Variants in OTUD7B observed in about 807,000 individuals in gnomAD.
OTUD7B encodes OTU domain-containing protein 7B.
OTUD7B carries 34 observed loss-of-function variants against 82.2 expected under a neutral mutation model. That is an observed-to-expected ratio of 0.41 (90% CI 0.31 to 0.55). The LOEUF is 0.55. Ranked by LOEUF, OTUD7B falls within the 20% of genes least tolerant of loss-of-function variation. OTUD7B has a pLI of 0.20. For synonymous variants in OTUD7B, 398 were observed against 402.7 expected (o/e 0.99, Z 0.14); for missense variants, 944 against 1,062.1 (o/e 0.89, Z 1.55).
intron 11 of OTUD7B, among the ~76,000 whole-genome samples, chr1:149,946,886 C>G (rs1647799840): frequency 6.6e-6 from 1 of 151,822 alleles, no homozygotes. Context: ...AACCTGTCCT[C>G]TACTAAAAAT....
chr1:149,969,467 T>A (rs1490884037), intron 3 of OTUD7B, among the ~76,000 whole-genome samples: 1 of 152,196 alleles, frequency 6.6e-6, no homozygotes, highest in Admixed American at 6.5e-5. Context: ...GAAATTTTTA[T>A]GCATACAGAA....
chr1:149,949,767 T>C lies in OTUD7B; in HGVS notation c.985A>G (p.Ile329Val), dbSNP rs1206127128. ...GGCAGATAGATTCCTCCAAAGGGAA[T>C]AGGGGCAAATGCTGCAGGAAGCCAT... ...RDSGGEAFAP[I>V]PFGGIYLPLE... Residue 329 changes from isoleucine to valine, a missense_variant, in exon 9 of 12, where the codon ATT (isoleucine) becomes GTT (valine). Ile to Val is a conservative substitution (Grantham distance 29, BLOSUM62 3). Transcript: ENST00000581312. 1 of 1,613,928 alleles carries C rather than the reference T, an allele frequency of 6.2e-7. No individual in the cohort carries two copies. The highest frequency in any genetic ancestry group is 8.5e-7 in the Non-Finnish European group (1 of 1,180,002).
At chr1:149,986,249 A>ACAC (rs1553780781) in intron 1 of OTUD7B, among the ~76,000 whole-genome samples, 1 of 151,218 alleles carries the variant, frequency 6.6e-6, no homozygotes, top group African/African-American at 2.5e-5. Context: ...ACACACACAC[A>ACAC]CACACACACA....
chr1:149,948,898 C>T, intron 10 of OTUD7B, 71 bp downstream of exon 10: 2 of 1,026,714 alleles, frequency 1.9e-6, no homozygotes. Flanking sequence ...AGGAAAAATC[C>T]CTGGGAGATG....
intron 1 of OTUD7B, among the ~76,000 whole-genome samples, chr1:149,993,015 G>C (rs1651697790): frequency 6.6e-6 from 1 of 152,068 alleles, no homozygotes; most frequent in Non-Finnish European, 1.5e-5. Flanking sequence ...GCCAGGCATG[G>C]TGGCACGTGC....
chr1:150,059,307 C>CG, the OTUD7B span, among the ~76,000 whole-genome samples: 12 of 54,198 alleles, frequency 2.2e-4, 2 homozygotes, highest in South Asian at 2.6e-3. Context: ...CCCCCCCCCC[C>CG]CCCGCCTCCC....
chr1:150,033,672 C>T, the OTUD7B span, among the ~76,000 whole-genome samples: 4 of 152,086 alleles, frequency 2.6e-5, no homozygotes, highest in African/African-American at 2.4e-5. Context: ...TTCATCCTCA[C>T]AACAATACAT....
intron 1 of OTUD7B, among the ~76,000 whole-genome samples, chr1:150,000,568 ACTAGAT>A (rs1553784499): frequency 6.6e-6 from 1 of 152,154 alleles, no homozygotes; most frequent in Non-Finnish European, 1.5e-5. Flanking sequence ...GACTGAATGA[ACTAGAT>A]CTACCTGTAG....
At chr1:149,976,095 C>T (rs1353365985) in intron 2 of OTUD7B, among the ~76,000 whole-genome samples, 1 of 152,072 alleles carries the variant, frequency 6.6e-6, no homozygotes, top group Non-Finnish European at 1.5e-5. Context: ...AAACCCTGAT[C>T]TTCTGTTTCC....
intron 1 of OTUD7B, among the ~76,000 whole-genome samples, chr1:149,995,978 T>C (rs895037941): frequency 6.6e-6 from 1 of 152,236 alleles, no homozygotes; most frequent in Non-Finnish European, 1.5e-5. Context: ...CTTTTTCTAT[T>C]TGAATGAATT....
chr1:150,042,007 T>A, the OTUD7B span, among the ~76,000 whole-genome samples: 1 of 152,252 alleles, frequency 6.6e-6, no homozygotes, highest in African/African-American at 2.4e-5. Flanking sequence ...AATTTCCATT[T>A]TGATTTACCC....
the OTUD7B span, among the ~76,000 whole-genome samples, chr1:150,027,259 G>A: frequency 6.6e-6 from 1 of 152,120 alleles, no homozygotes; most frequent in Non-Finnish European, 1.5e-5. Context: ...GGAATACAGA[G>A]AGGTAATAAA....
chr1:150,002,012 T>C (rs1553784925), intron 1 of OTUD7B, among the ~76,000 whole-genome samples: 1 of 152,080 alleles, frequency 6.6e-6, no homozygotes, highest in Non-Finnish European at 1.5e-5. Context: ...AACCAAACAA[T>C]TTCCCTCCAC....
the OTUD7B span, among the ~76,000 whole-genome samples, chr1:150,016,239 C>T: frequency 1.3e-5 from 2 of 152,088 alleles, no homozygotes; most frequent in African/African-American, 4.8e-5. Context: ...TCAACAATAC[C>T]TCAGTGTCAA....
chr1:150,011,052 T>C (rs1653017640), upstream of OTUD7B, among the ~76,000 whole-genome samples: 1 of 152,082 alleles, frequency 6.6e-6, no homozygotes, highest in South Asian at 2.1e-4. Context: ...TGTAGAAAGG[T>C]GAGAGAGATG....
Position 149,943,047 on chromosome 1 carries a change from C to A in OTUD7B, c.*810G>T, listed in dbSNP as rs1394780073. 6.6e-6 allele frequency: 1 copy of A among 152,556 alleles called. No homozygotes were observed. The highest frequency in any genetic ancestry group is 1.5e-5 in the Non-Finnish European group (1 of 68,042). 9.5% of individuals were successfully genotyped at this position (152,556 alleles called of 1,614,324 possible). A position where few individuals can be genotyped will look rare whatever the true frequency, so the allele number is the denominator to read the frequency against. On this transcript the variant is annotated 3_prime_UTR_variant, in exon 12 of 12. Transcript: ENST00000581312. ...ATAGATCAGCTCTGCCCCAATTCACCTGGAGAAAATGCAACACACATGACG... is the reference window on the plus strand; with the variant it reads ...ATAGATCAGCTCTGCCCCAATTCACATGGAGAAAATGCAACACACATGACG...
the OTUD7B span, among the ~76,000 whole-genome samples, chr1:150,020,273 C>T: frequency 1.3e-5 from 2 of 152,242 alleles, no homozygotes; most frequent in East Asian, 1.9e-4. Context: ...CAGTGGCTCA[C>T]GCCTGTAATC....
chr1:149,947,472 T>C (rs1647844314), intron 10 of OTUD7B, 137 bp from the exon 11 acceptor site: 2 of 560,806 alleles, frequency 3.6e-6, no homozygotes, highest in Admixed American at 5.4e-5. Context: ...TCTCCACCAA[T>C]TAATAAGCTT....
At chr1:150,011,556 A>G (rs914747392), upstream of OTUD7B, among the ~76,000 whole-genome samples, 12 of 152,242 alleles carry the variant, frequency 7.9e-5, no homozygotes, top group Non-Finnish European at 1.5e-4. Flanking sequence ...TGAGAACATA[A>G]TAAGCCATCC....
Sources: gnomAD v4.1 joint callset for allele counts (sites outside exome capture counted in the v4.1 genomes callset) on GRCh38, gnomAD v4.1.1 for gene constraint, MANE v1.5 for transcripts, NCBI Gene and HGNC (gene_info 2026-07-23, HGNC 2026-07-21) for gene names.